MACROD2: variants seen among roughly 807,000 people sequenced by gnomAD.
The protein encoded by MACROD2 is mono-ADP ribosylhydrolase 2.
Under a neutral mutation model 70.4 loss-of-function variants are expected in MACROD2, and 36 were observed. That is an observed-to-expected ratio of 0.51 (90% CI 0.39 to 0.68). The LOEUF (loss-of-function observed/expected upper bound fraction) is 0.68, where lower values mean the gene tolerates loss of function less well. Among genes scored for constraint, MACROD2 ranks in the 30% least tolerant of loss-of-function variants. The pLI, the probability that MACROD2 is intolerant of heterozygous loss-of-function variation, is 0.00. For missense variants in MACROD2, 496 were observed against 538.4 expected (o/e 0.92, Z 0.78); for synonymous variants, 172 against 178.8 (o/e 0.96, Z 0.30).
chr20:15,540,916 G>A (rs565513762), intron 8 of MACROD2, among the ~76,000 whole-genome samples: 18 of 152,114 alleles, frequency 1.2e-4, no homozygotes, highest in Non-Finnish European at 1.9e-4. Flanking sequence ...TAGAGATGCC[G>A]TTCATATTGG....
chr20:14,210,970 A>C (rs2081566742), intron 3 of MACROD2, among the ~76,000 whole-genome samples: 1 of 152,214 alleles, frequency 6.6e-6, no homozygotes, highest in Admixed American at 6.5e-5. Flanking sequence ...TGGTTAGCTA[A>C]GACCATATGC....
At chr20:15,666,680 G>T (rs2049901814) in intron 8 of MACROD2, among the ~76,000 whole-genome samples, 1 of 152,120 alleles carries the variant, frequency 6.6e-6, no homozygotes, top group Non-Finnish European at 1.5e-5. Context: ...CCATGTGCAA[G>T]GCACTGAGAT....
intron 5 of MACROD2, among the ~76,000 whole-genome samples, chr20:14,957,967 G>A (rs563484901): frequency 1.3e-5 from 2 of 152,050 alleles, no homozygotes; most frequent in South Asian, 4.2e-4. Context: ...ATTCTATTAG[G>A]TTGGTGCAAA....
rs181384791 is a variant in MACROD2, at chr20:14,968,010, G to T, written c.419-261930G>T. On this transcript the variant is annotated intron_variant, in intron 5 of 17. Coordinates refer to ENST00000684519, the MANE Select transcript of MACROD2 (RefSeq NM_001351661.2). ...ACAGTTATTAATATTTTTATGCTCA[G>T]TGGTTTTCGACAACTCTAAATTTTA... is the stretch of plus-strand genomic sequence containing the variant. Among the ~76,000 whole-genome samples, 14 of 152,166 alleles carry T rather than the reference G, an allele frequency of 9.2e-5. No individual in the cohort carries two copies. In the East Asian group the frequency reaches 2.7e-3, roughly 29 times the overall value.
chr20:15,179,743 T>C (rs1475520558), intron 5 of MACROD2, among the ~76,000 whole-genome samples: 1 of 152,204 alleles, frequency 6.6e-6, no homozygotes, highest in African/African-American at 2.4e-5. Flanking sequence ...AGTGATGCTA[T>C]TAATGTGTTT....
intron 10 of MACROD2, among the ~76,000 whole-genome samples, chr20:15,917,493 T>C (rs915427454): frequency 6.6e-6 from 1 of 152,214 alleles, no homozygotes; most frequent in African/African-American, 2.4e-5. Context: ...GGCTAAATGC[T>C]GGCACCACAC....
intron 7 of MACROD2, among the ~76,000 whole-genome samples, chr20:15,443,146 G>A (rs922070441): frequency 1.3e-5 from 2 of 152,018 alleles, no homozygotes; most frequent in African/African-American, 2.4e-5. Context: ...GGCATCAATC[G>A]CAATTTGTTT....
At chr20:14,085,552 A>C in intron 2 of MACROD2, 69 bp from the exon 3 acceptor site, 1 of 901,330 alleles carries the variant, frequency 1.1e-6, no homozygotes, top group East Asian at 2.9e-5. Flanking sequence ...AGTAGTCTTG[A>C]GTAAAAAATT....
intron 5 of MACROD2, among the ~76,000 whole-genome samples, chr20:14,927,687 G>A (rs964986150): frequency 1.2e-4 from 19 of 152,166 alleles, no homozygotes; most frequent in Admixed American, 1.3e-4. Context: ...AAGTAAGCTA[G>A]AAGGGTGTTG....
chr20:15,081,227 A>G (rs2075700855), intron 5 of MACROD2, among the ~76,000 whole-genome samples: 1 of 152,164 alleles, frequency 6.6e-6, no homozygotes, highest in Admixed American at 6.5e-5. Flanking sequence ...AGTATCCAGA[A>G]ATAAAGTTTT....
At chr20:15,506,397 C>G (rs903122911) in intron 8 of MACROD2, among the ~76,000 whole-genome samples, 7 of 152,220 alleles carry the variant, frequency 4.6e-5, no homozygotes, top group African/African-American at 1.7e-4. Flanking sequence ...AGATGCTGCT[C>G]TCATGCTGAT....
intron 5 of MACROD2, among the ~76,000 whole-genome samples, chr20:14,736,508 T>C (rs2071666489): frequency 1.3e-5 from 2 of 152,164 alleles, no homozygotes; most frequent in Non-Finnish European, 2.9e-5. Flanking sequence ...AAAGTGTTTT[T>C]CAAATATATC....
chr20:15,141,608 G>A (rs432033), intron 5 of MACROD2, among the ~76,000 whole-genome samples: 91,592 of 151,904 alleles, frequency 0.6, 27,758 homozygotes, highest in African/African-American at 0.63. Context: ...TGTTTAATTC[G>A]TACCTTTCTA....
intron 6 of MACROD2, among the ~76,000 whole-genome samples, chr20:15,239,602 G>C (rs993490363): frequency 1.3e-5 from 2 of 152,128 alleles, no homozygotes; most frequent in Non-Finnish European, 2.9e-5. Context: ...AGTAACTTTA[G>C]TGCAGTCTCT....
intron 8 of MACROD2, among the ~76,000 whole-genome samples, chr20:15,805,426 A>G (rs975210557): frequency 6.6e-6 from 1 of 152,088 alleles, no homozygotes; most frequent in Non-Finnish European, 1.5e-5. Flanking sequence ...AGGGGCAGGT[A>G]AAGAGAGGTT....
intron 3 of MACROD2, among the ~76,000 whole-genome samples, chr20:14,104,684 G>A (rs549508447): frequency 2.0e-5 from 3 of 152,288 alleles, no homozygotes; most frequent in Middle Eastern, 3.4e-3. Flanking sequence ...CATTGGTGAC[G>A]TATAAGCCAG....
intron 5 of MACROD2, among the ~76,000 whole-genome samples, chr20:14,945,005 C>T (rs920695932): frequency 3.9e-5 from 6 of 152,150 alleles, no homozygotes; most frequent in Admixed American, 6.5e-5. Flanking sequence ...TGCACAAATC[C>T]AGCCTACTAA....
intron 4 of MACROD2, among the ~76,000 whole-genome samples, chr20:14,615,991 G>T (rs972179309): frequency 2.0e-5 from 3 of 152,120 alleles, no homozygotes; most frequent in African/African-American, 7.2e-5. Context: ...CAGTGATAGA[G>T]AAGAGAGCCA....
At chr20:15,245,500 G>T (rs1601293468) in intron 6 of MACROD2, among the ~76,000 whole-genome samples, 1 of 152,176 alleles carries the variant, frequency 6.6e-6, no homozygotes, top group Non-Finnish European at 1.5e-5. Flanking sequence ...GACAAATTTG[G>T]CTTAAATAAT....
Sources: allele counts gnomAD v4.1 joint callset (sites outside exome capture counted in the v4.1 genomes callset), GRCh38; gene constraint gnomAD v4.1.1; transcripts MANE v1.5; gene names NCBI Gene and HGNC (gene_info 2026-07-23, HGNC 2026-07-21).